The following FLRT3 variants were observed in gnomAD, a reference collection of about 807,000 sequenced individuals.
FLRT3 encodes the protein leucine-rich repeat transmembrane protein FLRT3.
Under a neutral mutation model 42.6 loss-of-function variants are expected in FLRT3, and 17 were observed. The ratio of observed to expected loss-of-function variants is 0.40; its 90% CI spans 0.27 to 0.60. The LOEUF (loss-of-function observed/expected upper bound fraction) is 0.60. FLRT3 is among the 20% of genes least tolerant of loss of function. The pLI is 0.44. For missense variants in FLRT3, 635 were observed against 789.2 expected, an observed-to-expected ratio of 0.80 and a Z score of 2.34; for synonymous variants, 279 against 286.4, an observed-to-expected ratio of 0.97 and a Z score of 0.26.
At position 14,325,440 on chromosome 20, in the gene FLRT3, T is replaced by C; in HGVS notation, c.*117A>G. 1 of 1,080,756 alleles carries C rather than the reference T, an allele frequency of 9.3e-7. No individual in the cohort carries two copies. The highest frequency in any genetic ancestry group is 1.3e-6 in the Non-Finnish European group (1 of 748,272). The allele number at this position is 1,080,756 out of a possible 1,614,324, so 66.9% of individuals were successfully genotyped here. ...TATAAATTATATGGCAAATGTACAG[T>C]ACATTGCTTTTTTTCAGTCTCTTTT... is the stretch of plus-strand genomic sequence containing the variant. On this transcript the variant is annotated 3_prime_UTR_variant, in exon 3 of 3. Coordinates refer to ENST00000341420, the MANE Select transcript of FLRT3 (RefSeq NM_198391.3).
intron 2 of FLRT3, among the ~76,000 whole-genome samples, chr20:14,327,994 C>A (rs2082766384): frequency 6.6e-6 from 1 of 151,926 alleles, no homozygotes; most frequent in African/African-American, 2.4e-5. Context: ...TATCAAAAAA[C>A]CACACATTTT....
rs2082791546 is a variant in FLRT3, at chr20:14,329,271, C to T, written c.-190G>A. On this transcript the variant is annotated 5_prime_UTR_variant, in exon 2 of 3. An upstream start codon of the reference 5' UTR is lost. Transcript: ENST00000341420. ...AATTCTTCATTTAAAGAAAAGGAGGCATACTAAATTTCCTTTATATTTCTC... is the reference window on the plus strand; with the variant it reads ...AATTCTTCATTTAAAGAAAAGGAGGTATACTAAATTTCCTTTATATTTCTC... 1 of 152,050 alleles carries T rather than the reference C, an allele frequency of 6.6e-6. No individual in the cohort carries two copies. The highest frequency in any genetic ancestry group is 2.4e-5 in the African/African-American group (1 of 41,426). The allele number at this position is 152,050 out of a possible 1,614,324, so 9.4% of individuals were successfully genotyped here. A position where few individuals can be genotyped will look rare whatever the true frequency, so the allele number is the denominator to read the frequency against.
chr20:14,334,666 G>T, intron 1 of FLRT3, among the ~76,000 whole-genome samples: 1 of 151,182 alleles, frequency 6.6e-6, no homozygotes, highest in African/African-American at 2.4e-5. Context: ...GGTGGGGGGT[G>T]GGAGGGAAGG....
chr20:14,326,210 T>A lies in FLRT3; in HGVS notation c.1297A>T (p.Met433Leu). ...IHISWKLALP[M>L]TALRLSWLKL... is the part of the protein sequence containing the mutation. ...AGCCAGCTGAGTCTCAAAGCAGTCA[T>A]AGGTAGAGCAAGTTTCCAAGAGATA... Residue 433 changes from methionine to leucine, a missense_variant, in exon 3 of 3, where the codon ATG (methionine) becomes TTG (leucine). By Grantham distance (15) the Met-to-Leu change is conservative. Transcript: ENST00000341420. The surrounding 1 kb of genome is among the most constrained non-coding windows in gnomAD (Gnocchi z 5.5). The A allele has an allele frequency of 6.2e-7, 1 of 1,613,918 alleles. No individual in the cohort carries two copies. Among genetic ancestry groups the A allele is most frequent in the Non-Finnish European group, 8.5e-7 (1 of 1,179,882 alleles).
chr20:14,326,997 G>T lies in FLRT3; in HGVS notation c.510C>A (p.Pro170=). The T allele has an allele frequency of 6.2e-7, 1 of 1,613,750 alleles. No homozygotes were observed. Among genetic ancestry groups the T allele is most frequent in the East Asian group, 2.2e-5 (1 of 44,846 alleles). ...CTTCTATAGTCCTGGGCAAACCCCA[G>T]GGAATTGTGCTAAGGTGATTACGGG... ...FLSRNHLSTI[P]WGLPRTIEEL... The change falls in exon 3 of 3, where the codon CCC becomes CCA. Residue 170 remains proline (P), a synonymous_variant. Coordinates refer to ENST00000341420, the MANE Select transcript of FLRT3 (RefSeq NM_198391.3). The surrounding 1 kb of genome is among the most constrained non-coding windows in gnomAD (Gnocchi z 5.5).
In FLRT3 at chr20:14,324,326, G is replaced by A. The variant is rs1047101440; in HGVS notation, c.*1231C>T. 1 of 152,402 alleles carries A rather than the reference G, an allele frequency of 6.6e-6. No individual in the cohort carries two copies. Among genetic ancestry groups the A allele is most frequent in the African/African-American group, 2.4e-5 (1 of 41,402 alleles). 9.4% of individuals were successfully genotyped at this position (152,402 alleles called of 1,614,324 possible). On this transcript the variant is annotated 3_prime_UTR_variant, in exon 3 of 3. Transcript: ENST00000341420. ...AATCATGGCAACAGAAAAGTGATATGGTTTTTCAACAAGTAACAGCTCACA... is the reference window on the plus strand; with the variant it reads ...AATCATGGCAACAGAAAAGTGATATAGTTTTTCAACAAGTAACAGCTCACA...
At position 14,326,082 on chromosome 20, in the gene FLRT3, A is replaced by G. The variant is rs2082728821; in HGVS notation, c.1425T>C (p.Tyr475=). 2 of 1,613,944 alleles carry G rather than the reference A, an allele frequency of 1.2e-6. No homozygotes were observed. The highest frequency in any genetic ancestry group is 1.7e-6 in the Non-Finnish European group (2 of 1,179,884). ...LVTALEPDSP[Y]KVCMVPMETS... ...TTTCCATGGGAACCATGCATACTTT[A>G]TAGGGTGAATCAGGCTCCAGGGCTG... The change falls in exon 3 of 3, where the codon TAT becomes TAC. Residue 475 remains tyrosine (Y), a synonymous_variant. Coordinates refer to ENST00000341420, the MANE Select transcript of FLRT3 (RefSeq NM_198391.3). This position sits in a 1 kb window ranked among gnomAD's most constrained non-coding sequence, Gnocchi z 5.5.
intron 1 of FLRT3, among the ~76,000 whole-genome samples, chr20:14,336,064 G>A (rs2082930850): frequency 6.6e-6 from 1 of 152,030 alleles, no homozygotes; most frequent in African/African-American, 2.4e-5. Context: ...TTTGGGTCAG[G>A]TATAAGTGAT....
At position 14,327,409 on chromosome 20, in the gene FLRT3, G is replaced by C; in HGVS notation, c.98C>G (p.Ser33Cys). The change falls in exon 3 of 3, where the codon TCT becomes TGT. Residue 33 changes from serine to cysteine, a missense_variant. Coordinates refer to ENST00000341420, the MANE Select transcript of FLRT3 (RefSeq NM_198391.3). The stretch of plus-strand genomic sequence containing the variant: ...GAAACCCGCATCGCAGCGACACACA[G>C]ATGGACAGGATTTAGCCATAACTGA... Reference protein sequence around the residue: ...PLSVMAKSCPSVCRCDAGFIY... With the variant: ...PLSVMAKSCPCVCRCDAGFIY... The C allele has an allele frequency of 1.2e-6, 2 of 1,613,676 alleles. No individual in the cohort carries two copies. The highest frequency in any genetic ancestry group is 1.7e-6 in the Non-Finnish European group (2 of 1,179,700).
Position 14,337,410 on chromosome 20 carries a change from G to A in FLRT3, c.-253C>T. The A allele has an allele frequency of 2.7e-6, 1 of 365,982 alleles. No homozygotes were observed. Among genetic ancestry groups the A allele is most frequent in the Non-Finnish European group, 4.8e-6 (1 of 206,286 alleles). 22.7% of individuals were successfully genotyped at this position (365,982 alleles called of 1,614,324 possible). ...AAACATGGAAAACACTTACCAGGAA[G>A]ACGAGAAAAAGCAATCCTATATACA... On this transcript the variant is annotated 5_prime_UTR_variant, in exon 1 of 3. Transcript: ENST00000341420.
rs1348845007 is a variant in FLRT3 at position 14,324,244 on chromosome 20, A to C, written c.*1313T>G. ...TACATGTAGCGTTGGATCAAGGCAC[A>C]TACAAGACTGGCCAAAGGGCGTACA... On this transcript the variant is annotated 3_prime_UTR_variant, in exon 3 of 3. Coordinates refer to ENST00000341420, the MANE Select transcript of FLRT3 (RefSeq NM_198391.3). 2.6e-5 allele frequency: 4 copies of C among 152,502 alleles called. No individual in the cohort carries two copies. The highest frequency in any genetic ancestry group is 5.9e-5 in the Non-Finnish European group (4 of 68,010). The allele number at this position is 152,502 out of a possible 1,614,324, so 9.4% of individuals were successfully genotyped here.
Position 14,323,581 on chromosome 20 carries a change from G to T in FLRT3, c.*1976C>A, listed in dbSNP as rs551117678. The T allele has an allele frequency of 6.6e-6, 1 of 152,174 alleles. No individual in the cohort carries two copies. Among genetic ancestry groups the T allele is most frequent in the Non-Finnish European group, 1.5e-5 (1 of 68,048 alleles). 9.4% of individuals were successfully genotyped at this position (152,174 alleles called of 1,614,324 possible). On this transcript the variant is annotated 3_prime_UTR_variant, in exon 3 of 3. Transcript: ENST00000341420. ...CCCTCTCTGGAGGTTAGGGTTTGGG[G>T]TTGTAAGTCCCAACCCTATAATCAT...
At position 14,327,287 on chromosome 20, in the gene FLRT3, C is replaced by T. The variant is rs2082752382; in HGVS notation, c.220G>A (p.Gly74Arg). 6.2e-7 allele frequency: 1 copy of T among 1,613,760 alleles called. No individual in the cohort carries two copies. Among genetic ancestry groups the T allele is most frequent in the Non-Finnish European group, 8.5e-7 (1 of 1,179,756 alleles). ...YLQNNQINNA[G>R]IPSDLKNLLK... ...AAGTTTTTCAAATCTGAAGGAATCC[C>T]AGCATTATTTATTTGGTTGTTCTGA... The change falls in exon 3 of 3, where the codon GGG becomes AGG. Residue 74 changes from glycine to arginine, a missense_variant. Coordinates refer to ENST00000341420, the MANE Select transcript of FLRT3 (RefSeq NM_198391.3).
chr20:14,336,587 T>C (rs2082941876), intron 1 of FLRT3, among the ~76,000 whole-genome samples: 1 of 152,218 alleles, frequency 6.6e-6, no homozygotes. Context: ...ACCCACTTGA[T>C]AAGGGCTCTA....
At position 14,325,810 on chromosome 20, in the gene FLRT3, C is replaced by A; in HGVS notation, c.1697G>T (p.Ser566Ile). The change falls in exon 3 of 3, where the codon AGC becomes ATC. Residue 566 changes from serine (S) to isoleucine (I), a missense_variant. By Grantham distance (142) the Ser-to-Ile change is moderately radical (BLOSUM62 -2). Transcript: ENST00000341420. ...GTCATCCTTTCTTCTCCTCCCTTTG[C>A]TATATGCACAGTTCCTTGAGAAGAG... ...GSLFSRNCAY[S>I]KGRRRKDDYA... The A allele has an allele frequency of 6.2e-7, 1 of 1,613,890 alleles. No homozygotes were observed. The highest frequency in any genetic ancestry group is 8.5e-7 in the Non-Finnish European group (1 of 1,179,858).
chr20:14,328,654 T>A (rs1303043679), intron 2 of FLRT3, among the ~76,000 whole-genome samples: 1 of 152,110 alleles, frequency 6.6e-6, no homozygotes, highest in African/African-American at 2.4e-5. Flanking sequence ...GGTGAGGGAC[T>A]GGGACTTATA....
At position 14,324,714 on chromosome 20, in the gene FLRT3, A is replaced by G. The variant is rs2082706726; in HGVS notation, c.*843T>C. The stretch of plus-strand genomic sequence containing the variant: ...CAAAAATCAGGATGGTATAGGCAAA[A>G]CCAAAATGCAGTTTTGGTATTTGTG... On this transcript the variant is annotated 3_prime_UTR_variant, in exon 3 of 3. Coordinates refer to ENST00000341420, the MANE Select transcript of FLRT3 (RefSeq NM_198391.3). 6.6e-6 allele frequency: 1 copy of G among 152,152 alleles called. No individual in the cohort carries two copies. Among genetic ancestry groups the G allele is most frequent in the African/African-American group, 2.4e-5 (1 of 41,448 alleles). The allele number at this position is 152,152 out of a possible 1,614,324, so 9.4% of individuals were successfully genotyped here. A position where few individuals can be genotyped will look rare whatever the true frequency, so the allele number is the denominator to read the frequency against.
chr20:14,331,100 A>G (rs1271557966), intron 1 of FLRT3, among the ~76,000 whole-genome samples: 1 of 152,106 alleles, frequency 6.6e-6, no homozygotes, highest in African/African-American at 2.4e-5. Context: ...GAGGCAATAT[A>G]TACTTGAGAT....
chr20:14,335,915 T>C (rs1360959261), intron 1 of FLRT3, among the ~76,000 whole-genome samples: 1 of 152,216 alleles, frequency 6.6e-6, no homozygotes, highest in Non-Finnish European at 1.5e-5. Flanking sequence ...TCTGATTTAA[T>C]TTTCCCATGG....
Sources: gnomAD v4.1 joint callset for allele counts (sites outside exome capture counted in the v4.1 genomes callset) on GRCh38, gnomAD v4.1.1 for gene constraint, Gnocchi (gnomAD v3.1) non-coding constraint, MANE v1.5 for transcripts, NCBI Gene and HGNC (gene_info 2026-07-23, HGNC 2026-07-21) for gene names.